The following MED1 variants were observed in gnomAD, a reference collection of about 807,000 sequenced individuals.
MED1 encodes mediator of RNA polymerase II transcription subunit 1.
A neutral mutation model predicts 121.3 loss-of-function variants in MED1; 17 were observed. That is an observed-to-expected ratio of 0.14 (90% CI 0.10 to 0.21). The LOEUF is 0.21. Among genes scored for constraint, MED1 ranks in the 10% least tolerant of loss-of-function variants. The pLI is 1.00. For missense variants in MED1, 1,558 were observed against 1,919.4 expected, an observed-to-expected ratio of 0.81 and a Z score of 3.52; for synonymous variants, 661 against 694.4, an observed-to-expected ratio of 0.95 and a Z score of 0.76.
At chr17:39,421,590 G>A (rs1303064424) in intron 13 of MED1, among the ~76,000 whole-genome samples, 9 of 151,764 alleles carry the variant, frequency 5.9e-5, no homozygotes, top group Non-Finnish European at 8.8e-5. Context: ...ATTTTGCCAC[G>A]TTGCCCAGGC....
intron 2 of MED1, among the ~76,000 whole-genome samples, chr17:39,444,826 A>G (rs2144773120): frequency 6.6e-6 from 1 of 152,102 alleles, no homozygotes; most frequent in Non-Finnish European, 1.5e-5. Context: ...CCAAGACCAC[A>G]CCATTGCACT....
intron 13 of MED1, 89 bp downstream of exon 13, chr17:39,423,238 A>T (rs570546486): frequency 1.0e-6 from 1 of 958,642 alleles, no homozygotes; most frequent in African/African-American, 1.6e-5. Flanking sequence ...GAAGAAACTT[A>T]TCTGACCTCA....
chr17:39,427,507 G>T, intron 10 of MED1, 194 bp downstream of exon 10: 1 of 413,194 alleles, frequency 2.4e-6, no homozygotes, highest in South Asian at 3.5e-5. Flanking sequence ...CTCCTATTAT[G>T]TATGTGTGTA....
chr17:39,432,200 G>A (rs1368317688), intron 7 of MED1, among the ~76,000 whole-genome samples, 184 bp from the exon 8 acceptor site: 1 of 151,510 alleles, frequency 6.6e-6, no homozygotes, highest in Admixed American at 6.6e-5. Flanking sequence ...AAAATTAGCC[G>A]AGCGTGGTGG....
At chr17:39,448,686 G>T (rs2048753100) in intron 1 of MED1, among the ~76,000 whole-genome samples, 1 of 152,162 alleles carries the variant, frequency 6.6e-6, no homozygotes, top group South Asian at 2.1e-4. Flanking sequence ...AAGGCGGGTG[G>T]ATCACCTGAG....
At chr17:39,410,769 A>T (rs772089763) in intron 16 of MED1, 48 bp from the exon 17 acceptor site, 215 of 1,542,572 alleles carry the variant, frequency 1.4e-4, no homozygotes, top group Non-Finnish European at 1.0e-4. Context: ...TAGCTGCTGA[A>T]TGAGACCTGA....
chr17:39,440,615 C>CTACTT lies in MED1; in HGVS notation c.266+3_266+7dup, dbSNP rs752275425. On this transcript the variant is annotated splice_region_variant and intron_variant, in intron 4 of 16. Transcript: ENST00000300651. The surrounding 1 kb of genome is among the most constrained non-coding windows in gnomAD (Gnocchi z 4.1). ...TTAAACATTTCTGCCTACAGAAAGA[C>CTACTT]TACTTACCCATTCTGTCTTGCTATG... 1.2e-6 allele frequency: 2 copies of CTACTT among 1,612,544 alleles called. No homozygotes were observed. Among genetic ancestry groups the CTACTT allele is most frequent in the Non-Finnish European group, 1.7e-6 (2 of 1,178,698 alleles).
intron 9 of MED1, among the ~76,000 whole-genome samples, chr17:39,428,072 G>A (rs75093684): frequency 9.3e-4 from 142 of 152,076 alleles, no homozygotes; most frequent in African/African-American, 3.2e-3. Flanking sequence ...ATAATAGGCC[G>A]GGCGCGATGG....
intron 13 of MED1, 121 bp downstream of exon 13, chr17:39,423,206 T>C: frequency 1.3e-6 from 1 of 762,874 alleles, no homozygotes; most frequent in South Asian, 1.7e-5. Flanking sequence ...ACTAAAGAAA[T>C]AGGACATGAT....
At position 39,440,817 on chromosome 17, in the gene MED1, C is replaced by G; in HGVS notation, c.212-140G>C. 1.2e-6 allele frequency: 1 copy of G among 818,682 alleles called. No individual in the cohort carries two copies. The highest frequency in any genetic ancestry group is 2.0e-6 in the Non-Finnish European group (1 of 509,796). 50.7% of individuals were successfully genotyped at this position (818,682 alleles called of 1,614,324 possible). A position where few individuals can be genotyped will look rare whatever the true frequency, so the allele number is the denominator to read the frequency against. Reference sequence around the variant, plus strand: ...ATGCTTGTAATTTACATAAAGTTCACTGATTAGGGTTAGCTGTGGCCTATG... The same window carrying G: ...ATGCTTGTAATTTACATAAAGTTCAGTGATTAGGGTTAGCTGTGGCCTATG... On this transcript the variant is annotated intron_variant, in intron 3 of 16. Transcript: ENST00000300651. This position sits in a 1 kb window ranked among gnomAD's most constrained non-coding sequence, Gnocchi z 4.1.
Position 39,410,226 on chromosome 17 carries a change from A to C in MED1, c.1995T>G (p.Pro665=), listed in dbSNP as rs762042701. The C allele has an allele frequency of 1.9e-6, 3 of 1,613,830 alleles. No individual in the cohort carries two copies. In the South Asian group the frequency reaches 3.3e-5, roughly 18 times the overall value. ...CGGAAGAGGAGTTCTGCCTTTCTAA[A>C]GGGCTGCTTCCATAAAGGGTTGAGA... ...QDFSTLYGSS[P]LERQNSSSGS... The change falls in exon 17 of 17, where the codon CCT becomes CCG. Residue 665 remains proline, a synonymous_variant. Coordinates refer to ENST00000300651, the MANE Select transcript of MED1 (RefSeq NM_004774.4).
In MED1 at chr17:39,408,812, A is replaced by G; in HGVS notation, c.3409T>C (p.Ser1137Pro). 1 of 1,613,874 alleles carries G rather than the reference A, an allele frequency of 6.2e-7. No individual in the cohort carries two copies. The highest frequency in any genetic ancestry group is 8.5e-7 in the Non-Finnish European group (1 of 1,179,934). ...LSSSMYSSQG[S>P]SGSSQSKNSS... ...TTTTTGGACTGGCTAGATCCAGAAG[A>G]CCCCTGGCTAGAATACATACTGCTA... Residue 1137 changes from serine (S) to proline (P), a missense_variant, in exon 17 of 17, where the codon TCT (serine) becomes CCT (proline). Transcript: ENST00000300651. The surrounding 1 kb of genome is among the most constrained non-coding windows in gnomAD (Gnocchi z 4.7).
At chr17:39,420,917 T>C (rs2144733461) in intron 13 of MED1, among the ~76,000 whole-genome samples, 1 of 147,550 alleles carries the variant, frequency 6.8e-6, no homozygotes, top group Admixed American at 6.9e-5. Context: ...TGCCTCAGCC[T>C]CCCAAGTAGC....
chr17:39,423,591 A>T, intron 12 of MED1, 106 bp downstream of exon 12: 1 of 1,512,102 alleles, frequency 6.6e-7, no homozygotes, highest in Non-Finnish European at 9.2e-7. Flanking sequence ...TTTACCAGTA[A>T]TACTTCAATG....
chr17:39,420,628 CTTATTA>C (rs564032898), intron 13 of MED1, among the ~76,000 whole-genome samples: 22 of 151,346 alleles, frequency 1.5e-4, no homozygotes, highest in Admixed American at 2.6e-4. Flanking sequence ...GGAACGTTCC[CTTATTA>C]TTATTATTAT....
Position 39,423,634 on chromosome 17 carries a change from CTGACTT to C in MED1, c.976+57_976+62del. 1.9e-6 allele frequency: 3 copies of C among 1,605,760 alleles called. No individual in the cohort carries two copies. In the East Asian group the frequency reaches 6.7e-5, roughly 36 times the overall value. ...TAAGACTGAAAGACGTCATGATAAC[CTGACTT>C]TGAAGTTTCTTTTTCACATTTATAA... On this transcript the variant is annotated intron_variant, in intron 12 of 16. Coordinates refer to ENST00000300651, the MANE Select transcript of MED1 (RefSeq NM_004774.4).
rs867722917 is a variant in MED1, at chr17:39,439,178, C to A, written c.415G>T (p.Val139Leu). The change falls in exon 6 of 17, where the codon GTA becomes TTA. Residue 139 changes from valine to leucine, a missense_variant. Val to Leu is a conservative substitution (Grantham distance 32, BLOSUM62 1). This residue lies in a region of MED1 where 443 missense variants were observed against 532.4 expected (regional missense o/e 0.83). Coordinates refer to ENST00000300651, the MANE Select transcript of MED1 (RefSeq NM_004774.4). ...GTATTTGCTCACCTTAGCTGCTGTA[C>A]AAGCTCCGGACAGCTCTGAAATCAA... The part of the protein sequence containing the change: ...GENPVSCPEL[V>L]QQLREKNFDE... The A allele has an allele frequency of 6.3e-7, 1 of 1,594,610 alleles. No individual in the cohort carries two copies. The highest frequency in any genetic ancestry group is 8.5e-7 in the Non-Finnish European group (1 of 1,175,974).
At chr17:39,443,222 A>G (rs1258327947) in intron 3 of MED1, among the ~76,000 whole-genome samples, 2 of 151,402 alleles carry the variant, frequency 1.3e-5, no homozygotes, top group Non-Finnish European at 2.9e-5. Flanking sequence ...GGCTGGTCTC[A>G]AACTCCTGAC....
chr17:39,442,905 CAAAAA>C (rs751236293), intron 3 of MED1, among the ~76,000 whole-genome samples: 1 of 17,358 alleles, frequency 5.8e-5, no homozygotes, highest in African/African-American at 1.6e-4. Context: ...AACTCCATCT[CAAAAA>C]AAAAAAAAAA....
Sources: allele counts gnomAD v4.1 joint callset (sites outside exome capture counted in the v4.1 genomes callset), GRCh38; gene constraint gnomAD v4.1.1; regional missense constraint gnomAD v4.1.1; non-coding constraint Gnocchi (gnomAD v3.1); transcripts MANE v1.5; gene names NCBI Gene and HGNC (gene_info 2026-07-23, HGNC 2026-07-21).